The following TRIM58 variants were observed in gnomAD, a reference collection of about 807,000 sequenced individuals.
The protein encoded by TRIM58 is tripartite motif containing 58, also known as E3 ubiquitin-protein ligase TRIM58.
A neutral mutation model predicts 34.1 loss-of-function variants in TRIM58; 38 were observed. The observed-to-expected ratio is 1.12, with a 90% CI of 0.86 to 1.46. TRIM58 has a LOEUF of 1.46. Ranked by LOEUF, TRIM58 falls within the 40% of genes most tolerant of loss-of-function variation. The probability of loss-of-function intolerance (pLI) is 0.00; values close to 1 mark genes in which losing one functional copy is unlikely to be tolerated. For missense variants in TRIM58, 677 were observed against 642.0 expected (o/e 1.05, Z -0.59); for synonymous variants, 273 against 275.7 (o/e 0.99, Z 0.10).
At chr1:247,869,874 A>G (rs1659058657) in intron 5 of TRIM58, among the ~76,000 whole-genome samples, 1 of 152,178 alleles carries the variant, frequency 6.6e-6, no homozygotes, top group Non-Finnish European at 1.5e-5. Context: ...TGACCCAATA[A>G]CGCAGTGGGA....
At chr1:247,864,624 G>T in intron 2 of TRIM58, 81 bp from the exon 3 acceptor site, 5 of 1,464,302 alleles carry the variant, frequency 3.4e-6, no homozygotes, top group South Asian at 1.3e-5. Flanking sequence ...GGGAAGTCTG[G>T]ACATTACCTT....
At chr1:247,874,106 AT>A (rs1215560026) in intron 5 of TRIM58, among the ~76,000 whole-genome samples, 2 of 152,230 alleles carry the variant, frequency 1.3e-5, no homozygotes, top group African/African-American at 4.8e-5. Context: ...TGTTAGTCTG[AT>A]TTTGCATTGC....
chr1:247,872,783 G>C (rs1015511879), intron 5 of TRIM58, among the ~76,000 whole-genome samples: 2 of 152,166 alleles, frequency 1.3e-5, no homozygotes, highest in African/African-American at 4.8e-5. Flanking sequence ...GGTTTCTCCA[G>C]TGGTGGTGGT....
chr1:247,873,558 T>C (rs1410049934), intron 5 of TRIM58, among the ~76,000 whole-genome samples: 2 of 152,186 alleles, frequency 1.3e-5, no homozygotes, highest in African/African-American at 2.4e-5. Context: ...CATAAACTCT[T>C]TGACTCTGAA....
chr1:247,873,966 A>C (rs901293589), intron 5 of TRIM58, among the ~76,000 whole-genome samples: 1 of 131,298 alleles, frequency 7.6e-6, no homozygotes, highest in Admixed American at 7.3e-5. Context: ...ACTCCGTTTC[A>C]AAAAAAAAAG....
intron 5 of TRIM58, among the ~76,000 whole-genome samples, chr1:247,871,549 C>T (rs1273697785): frequency 2.0e-5 from 3 of 150,884 alleles, no homozygotes; most frequent in Non-Finnish European, 4.4e-5. Flanking sequence ...GTGTAAAGTC[C>T]CTTAATGAGA....
Position 247,860,664 on chromosome 1 carries a change from C to T in TRIM58, c.468C>T (p.Asp156=), listed in dbSNP as rs3737277. The change falls in exon 2 of 6, where the codon GAC becomes GAT. Residue 156 remains aspartate, a synonymous_variant. Transcript: ENST00000366481. ...AACTTATGAGGAAAGAGTTGGAGGA[C>T]GCCTTGACTCAGGAGGCCAACGTGG... is the stretch of plus-strand genomic sequence containing the variant. The part of the protein sequence containing the change: ...ALELMRKELE[D]ALTQEANVGK... 0.28 allele frequency: 454,294 copies of T among 1,610,790 alleles called. 65,420 individuals are homozygous for T. The highest frequency in any genetic ancestry group is 0.32 in the African/African-American group (24,194 of 74,728).
rs1659312092 is a variant in TRIM58, at chr1:247,877,291, G to A, written c.*802G>A. On this transcript the variant is annotated 3_prime_UTR_variant, in exon 6 of 6. Transcript: ENST00000366481. ...ATATTTACTAGTTATAAGACCTTAA[G>A]GCTGGGTGCAGTGGCTCACGCCTGT... 6.6e-6 allele frequency: 1 copy of A among 152,058 alleles called. No individual in the cohort carries two copies. The allele number at this position is 152,058 out of a possible 1,614,324, so 9.4% of individuals were successfully genotyped here.
rs1663972905 is a variant in TRIM58 at position 247,868,113 on chromosome 1, G to A, written c.871+50G>A. The stretch of plus-strand genomic sequence containing the variant: ...ATTAGGCTGCCTGGGGTTTGAAGAA[G>A]TTCCAAGGTAGTTGCATCTTAGAGA... On this transcript the variant is annotated intron_variant, in intron 5 of 5. Coordinates refer to ENST00000366481, the MANE Select transcript of TRIM58 (RefSeq NM_015431.4). The A allele has an allele frequency of 3.3e-6, 5 of 1,497,830 alleles. No individual in the cohort carries two copies. The South Asian group carries it at 6.1e-5, about 18-fold the overall frequency. The allele number at this position is 1,497,830 out of a possible 1,614,324, so 92.8% of individuals were successfully genotyped here.
chr1:247,863,597 T>A (rs953053966), intron 2 of TRIM58, among the ~76,000 whole-genome samples: 1 of 151,316 alleles, frequency 6.6e-6, no homozygotes, highest in East Asian at 1.9e-4. Context: ...CGTATAACAA[T>A]GTAACAAAAC....
rs925946431 is a variant in TRIM58 at position 247,879,832 on chromosome 1, A to G, written c.*3343A>G. Among the ~76,000 whole-genome samples the G allele has an allele frequency of 7.9e-5, 12 of 151,656 alleles. No individual in the cohort carries two copies. Among genetic ancestry groups the G allele is most frequent in the African/African-American group, 2.7e-4 (11 of 41,336 alleles). ...TTCTGAGATCCAGCTTCTCAGTGATACCACACAGCCCTACTCCCCCCAGAG... is the reference window on the plus strand; with the variant it reads ...TTCTGAGATCCAGCTTCTCAGTGATGCCACACAGCCCTACTCCCCCCAGAG... On this transcript the variant is annotated 3_prime_UTR_variant, in exon 6 of 6. Coordinates refer to ENST00000366481, the MANE Select transcript of TRIM58 (RefSeq NM_015431.4).
rs539543416 is a variant in TRIM58 at position 247,861,097 on chromosome 1, T to G, written c.516+385T>G. On this transcript the variant is annotated intron_variant, in intron 2 of 5. Transcript: ENST00000366481. ...ACAGAAGAAGTGTAGCCCAAGGTGA[T>G]CATCTTATATACAGGGTAATAATCT... Among the ~76,000 whole-genome samples, 12 of 152,330 alleles carry G rather than the reference T, an allele frequency of 7.9e-5. No homozygotes were observed. In the East Asian group the frequency reaches 1.5e-3, roughly 20 times the overall value.
Position 247,857,671 on chromosome 1 carries a change from G to A in TRIM58, c.420+5G>A. 1 of 1,225,288 alleles carries A rather than the reference G, an allele frequency of 8.2e-7. No individual in the cohort carries two copies. Among genetic ancestry groups the A allele is most frequent in the South Asian group, 3.6e-5 (1 of 27,602 alleles). 75.9% of individuals were successfully genotyped at this position (1,225,288 alleles called of 1,614,324 possible). On this transcript the variant is annotated splice_donor_5th_base_variant and intron_variant, in intron 1 of 5. Transcript: ENST00000366481. ...GAGGCCGCCGGCAGCTACCAGGTGA[G>A]GCGCCCCCCGGCGGGGGCTGCGGGC...
rs1491374619 is a variant in TRIM58 at position 247,876,989 on chromosome 1, CTT to C, written c.*501_*502del. The C allele has an allele frequency of 1.6e-4, 26 of 158,678 alleles. No individual in the cohort carries two copies. Among genetic ancestry groups the C allele is most frequent in the South Asian group, 7.3e-4 (4 of 5,498 alleles). 9.8% of individuals were successfully genotyped at this position (158,678 alleles called of 1,614,324 possible). ...TCTCTCTCCCTGTCACTCTCTCTCTCTTGTTCCTTATTTTTTGTTTCTTACCT... is the reference window on the plus strand; with the variant it reads ...TCTCTCTCCCTGTCACTCTCTCTCTCGTTCCTTATTTTTTGTTTCTTACCT... On this transcript the variant is annotated 3_prime_UTR_variant, in exon 6 of 6. Transcript: ENST00000366481.
rs1003360615 is a variant in TRIM58 at position 247,878,428 on chromosome 1, G to C, written c.*1939G>C. ...TATTACTAACGTAGCCTTCTTCCTAGATTTTTTAATTGTTTGATCATGAGC... is the reference window on the plus strand; with the variant it reads ...TATTACTAACGTAGCCTTCTTCCTACATTTTTTAATTGTTTGATCATGAGC... On this transcript the variant is annotated 3_prime_UTR_variant, in exon 6 of 6. Transcript: ENST00000366481. Among the ~76,000 whole-genome samples the C allele has an allele frequency of 1.3e-5, 2 of 152,098 alleles. No individual in the cohort carries two copies. Among genetic ancestry groups the C allele is most frequent in the Admixed American group, 1.3e-4 (2 of 15,274 alleles).
rs911719933 is a variant in TRIM58 at position 247,857,188 on chromosome 1, C to T, written c.-59C>T. ...TGGGGCGTGGGCTCCTCCCCCTGTG[C>T]AGACCGCGAGGGGAGACGGTGCGGG... On this transcript the variant is annotated 5_prime_UTR_variant, in exon 1 of 6. Coordinates refer to ENST00000366481, the MANE Select transcript of TRIM58 (RefSeq NM_015431.4). 9.3e-5 allele frequency: 121 copies of T among 1,297,176 alleles called. No homozygotes were observed. The Middle Eastern group carries it at 1.2e-3, about 13-fold the overall frequency. The allele number at this position is 1,297,176 out of a possible 1,614,324, so 80.4% of individuals were successfully genotyped here.
At chr1:247,860,781 C>A in intron 2 of TRIM58, 69 bp downstream of exon 2, 1 of 1,196,908 alleles carries the variant, frequency 8.4e-7, no homozygotes, top group Non-Finnish European at 1.2e-6. Flanking sequence ...AGTAATTCTT[C>A]TACCATCTTC....
rs1663900833 is a variant in TRIM58, at chr1:247,865,633, C to G, written c.747+698C>G. Among the ~76,000 whole-genome samples, 7 of 152,218 alleles carry G rather than the reference C, an allele frequency of 4.6e-5. No homozygotes were observed. In the South Asian group the frequency reaches 1.4e-3, roughly 32 times the overall value. The stretch of plus-strand genomic sequence containing the variant: ...GACTCCCGTGCAGCTTCCTCCCAGT[C>G]TGTTTGGGATTAGAGAGCAGAAAGA... On this transcript the variant is annotated intron_variant, in intron 3 of 5. Transcript: ENST00000366481.
intron 2 of TRIM58, among the ~76,000 whole-genome samples, chr1:247,863,996 A>G (rs1663858274): frequency 6.6e-6 from 1 of 152,144 alleles, no homozygotes; most frequent in South Asian, 2.1e-4. Context: ...TTCTTATTCA[A>G]ACAAACATTT....
Sources: allele counts gnomAD v4.1 joint callset (sites outside exome capture counted in the v4.1 genomes callset), GRCh38; gene constraint gnomAD v4.1.1; transcripts MANE v1.5; gene names NCBI Gene and HGNC (gene_info 2026-07-23, HGNC 2026-07-21).